Variants in NEDD4 observed in about 807,000 individuals in gnomAD.
The protein encoded by NEDD4 is E3 ubiquitin-protein ligase NEDD4.
A neutral mutation model predicts 144.9 loss-of-function variants in NEDD4; 99 were observed. The observed-to-expected ratio is 0.68, with a 90% CI of 0.58 to 0.81. The LOEUF (loss-of-function observed/expected upper bound fraction) is 0.81, where lower values mean the gene tolerates loss of function less well. NEDD4 is among the 30% of genes least tolerant of loss of function. The probability of loss-of-function intolerance (pLI) is 0.00; values close to 1 mark genes in which losing one functional copy is unlikely to be tolerated. For missense variants in NEDD4, 985 were observed against 1,065.9 expected (o/e 0.92, Z 1.06); for synonymous variants, 318 against 350.6 (o/e 0.91, Z 1.04).
At chr15:55,915,883 C>T in intron 5 of NEDD4, 3 of 1,613,914 alleles carry the variant, frequency 1.9e-6, no homozygotes, top group Non-Finnish European at 2.5e-6. Flanking sequence ...GAAAGAAATC[C>T]TTTAGCACTA....
At chr15:55,923,895 CT>C (rs2036616486) in intron 5 of NEDD4, among the ~76,000 whole-genome samples, 1 of 151,504 alleles carries the variant, frequency 6.6e-6, no homozygotes, top group Admixed American at 6.6e-5. Flanking sequence ...TTTAATTTTT[CT>C]GGTGCTTGTA....
At chr15:55,890,709 T>C (rs938372039) in intron 5 of NEDD4, among the ~76,000 whole-genome samples, 1 of 152,238 alleles carries the variant, frequency 6.6e-6, no homozygotes, top group South Asian at 2.1e-4. Flanking sequence ...GAACAGAATT[T>C]GCTAAAAATC....
intron 4 of NEDD4, among the ~76,000 whole-genome samples, chr15:55,950,461 T>A (rs2037217635): frequency 6.6e-6 from 1 of 152,236 alleles, no homozygotes; most frequent in Non-Finnish European, 1.5e-5. Context: ...TCTGTTTTCC[T>A]TACTGAAATC....
chr15:55,964,183 T>A (rs1006710641), intron 2 of NEDD4, among the ~76,000 whole-genome samples: 2 of 114,282 alleles, frequency 1.8e-5, no homozygotes, highest in Non-Finnish European at 3.8e-5. Context: ...TCAAAAAATA[T>A]TGTGCCTTCT....
At chr15:55,982,379 A>G (rs1197101466) in intron 1 of NEDD4, among the ~76,000 whole-genome samples, 3 of 152,240 alleles carry the variant, frequency 2.0e-5, no homozygotes, top group Admixed American at 2.0e-4. Flanking sequence ...CAATGTGTCC[A>G]TCGAAGGAGA....
At chr15:55,894,750 T>A (rs1227268204) in intron 5 of NEDD4, among the ~76,000 whole-genome samples, 1 of 152,192 alleles carries the variant, frequency 6.6e-6, no homozygotes. Context: ...CATGATTTAT[T>A]GTGAGGATTT....
intron 4 of NEDD4, among the ~76,000 whole-genome samples, chr15:55,929,888 A>G (rs2142247243): frequency 6.6e-6 from 1 of 152,268 alleles, no homozygotes; most frequent in Non-Finnish European, 1.5e-5. Flanking sequence ...AAAACAAGAT[A>G]CTAAAAAAGG....
At chr15:55,968,457 A>G (rs2037553477) in intron 1 of NEDD4, among the ~76,000 whole-genome samples, 1 of 152,190 alleles carries the variant, frequency 6.6e-6, no homozygotes, top group Admixed American at 6.5e-5. Flanking sequence ...ACAAGGGGAT[A>G]TTTTAGATAC....
At chr15:55,912,992 T>C (rs2142199444) in intron 5 of NEDD4, among the ~76,000 whole-genome samples, 1 of 152,208 alleles carries the variant, frequency 6.6e-6, no homozygotes, top group African/African-American at 2.4e-5. Flanking sequence ...TCTCATTAGA[T>C]TTAAAAAATC....
At chr15:55,844,192 G>C (rs980366006) in intron 18 of NEDD4, among the ~76,000 whole-genome samples, 2 of 152,088 alleles carry the variant, frequency 1.3e-5, no homozygotes, top group Non-Finnish European at 2.9e-5. Flanking sequence ...GAAGAAGGGA[G>C]AGGAAGGGAA....
At chr15:55,938,833 C>T (rs1350263685) in intron 4 of NEDD4, among the ~76,000 whole-genome samples, 1 of 151,898 alleles carries the variant, frequency 6.6e-6, no homozygotes, top group Admixed American at 6.6e-5. Flanking sequence ...CTCCCAGGCA[C>T]AGTGGCTCAT....
At chr15:55,883,848 C>T (rs1345738917) in intron 5 of NEDD4, among the ~76,000 whole-genome samples, 1 of 151,132 alleles carries the variant, frequency 6.6e-6, no homozygotes, top group Non-Finnish European at 1.5e-5. Flanking sequence ...AAGAATTCTT[C>T]CAGATGTCAT....
chr15:55,885,128 T>C (rs1433258051), intron 5 of NEDD4, among the ~76,000 whole-genome samples: 1 of 152,150 alleles, frequency 6.6e-6, no homozygotes, highest in Non-Finnish European at 1.5e-5. Flanking sequence ...CTTATTACCT[T>C]GGAGATAGTG....
At chr15:55,885,071 C>A (rs1595796150) in intron 5 of NEDD4, among the ~76,000 whole-genome samples, 1 of 152,170 alleles carries the variant, frequency 6.6e-6, no homozygotes, top group East Asian at 1.9e-4. Context: ...ACAAATAACA[C>A]ACAATGGAAT....
At position 55,860,565 on chromosome 15, in the gene NEDD4, T is replaced by G. The variant is rs749464387; in HGVS notation, c.802A>C (p.Ile268Leu). ...ATGGTGGCTTCATCTTCTCTTATAA[T>G]TTCCCAGTTCTAAAATGAACAGAAT... ...DNRESSENWE[I>L]IREDEATMYS... Residue 268 changes from isoleucine (I) to leucine (L), a missense_variant, in exon 11 of 29, where the codon ATT becomes CTT. Coordinates refer to ENST00000435532, the MANE Select transcript of NEDD4 (RefSeq NM_006154.4). 18 of 1,613,918 alleles carry G rather than the reference T, an allele frequency of 1.1e-5. No homozygotes were observed. The highest frequency in any genetic ancestry group is 1.4e-5 in the Non-Finnish European group (17 of 1,179,954).
At chr15:55,917,247 C>T in intron 5 of NEDD4, 1 of 763,370 alleles carries the variant, frequency 1.3e-6, no homozygotes, top group Non-Finnish European at 1.6e-6. Flanking sequence ...TATTTTTTCA[C>T]CCCAGCTCTA....
At chr15:55,921,102 T>C (rs961768447) in intron 5 of NEDD4, among the ~76,000 whole-genome samples, 2 of 152,220 alleles carry the variant, frequency 1.3e-5, no homozygotes, top group Non-Finnish European at 2.9e-5. Flanking sequence ...ATTTGTATCA[T>C]GATAAAGAAT....
chr15:55,976,626 A>ATTT (rs1566975577), intron 1 of NEDD4, among the ~76,000 whole-genome samples: 2 of 131,328 alleles, frequency 1.5e-5, no homozygotes, highest in Non-Finnish European at 3.2e-5. Context: ...TCTGGGCAAA[A>ATTT]ATTTTTTTTT....
chr15:55,973,578 C>G (rs1292494778), intron 1 of NEDD4, among the ~76,000 whole-genome samples: 1 of 152,034 alleles, frequency 6.6e-6, no homozygotes, highest in Non-Finnish European at 1.5e-5. Flanking sequence ...TTAAAAGTAT[C>G]TTCTCTGACT....
Sources: allele counts gnomAD v4.1 joint callset (sites outside exome capture counted in the v4.1 genomes callset), GRCh38; gene constraint gnomAD v4.1.1; transcripts MANE v1.5; gene names NCBI Gene and HGNC (gene_info 2026-07-23, HGNC 2026-07-21).